Variants in ERI1 observed in about 807,000 individuals in gnomAD.
The protein encoded by ERI1 is 3'-5' exoribonuclease 1.
In ERI1, 39 loss-of-function variants were observed where a neutral mutation model predicts 39.7. The observed-to-expected ratio is 0.98, with a 90% confidence interval of 0.76 to 1.28. The LOEUF (loss-of-function observed/expected upper bound fraction) is 1.28, where lower values mean the gene tolerates loss of function less well. Ranked by LOEUF, ERI1 falls within the 50% of genes most tolerant of loss-of-function variation. ERI1 has a pLI of 0.00. For missense variants in ERI1, 581 were observed against 416.9 expected, an observed-to-expected ratio of 1.39 and a Z score of -3.43; for synonymous variants, 204 against 149.6, an observed-to-expected ratio of 1.36 and a Z score of -2.65.
intron 3 of ERI1, chr8:9,091,394 A>C (rs1041451376): frequency 6.6e-6 from 1 of 151,816 alleles, no homozygotes; most frequent in East Asian, 1.9e-4. Context: ...GGTGGCATGC[A>C]CCTGTAATCT....
intron 3 of ERI1, among the ~76,000 whole-genome samples, chr8:9,015,503 A>G (rs1460000509): frequency 6.6e-6 from 1 of 151,918 alleles, no homozygotes; most frequent in Non-Finnish European, 1.5e-5. Flanking sequence ...AAATAAGACC[A>G]TCGTGTCAGG....
chr8:9,016,645 A>G (rs1207714640), intron 4 of ERI1, among the ~76,000 whole-genome samples: 1 of 151,896 alleles, frequency 6.6e-6, no homozygotes, highest in African/African-American at 2.4e-5. Context: ...TTCGTCTGTA[A>G]AATGCATCAG....
chr8:9,007,482 TAATA>T (rs1358401862), intron 1 of ERI1, among the ~76,000 whole-genome samples: 7 of 152,354 alleles, frequency 4.6e-5, no homozygotes, highest in African/African-American at 1.7e-4. Flanking sequence ...CCTGTGATAT[TAATA>T]GTTACCATTT....
At chr8:9,084,040 G>T (rs1309004073) in intron 3 of ERI1, among the ~76,000 whole-genome samples, 1 of 152,060 alleles carries the variant, frequency 6.6e-6, no homozygotes, top group East Asian at 1.9e-4. Flanking sequence ...TGATCAACCC[G>T]CCTCGGCCTC....
chr8:9,006,190 T>G (rs1471915969), intron 1 of ERI1, among the ~76,000 whole-genome samples: 1 of 152,246 alleles, frequency 6.6e-6, no homozygotes, highest in African/African-American at 2.4e-5. Flanking sequence ...CATCCTTCTT[T>G]GTGAACCATT....
At chr8:9,070,354 G>T (rs1426726270) in intron 3 of ERI1, among the ~76,000 whole-genome samples, 2 of 152,164 alleles carry the variant, frequency 1.3e-5, no homozygotes, top group Admixed American at 6.5e-5. Flanking sequence ...AGGGTGTGGT[G>T]GCTCCCACAT....
rs370874322 is a variant in ERI1 at position 9,013,614 on chromosome 8, G to A, written c.498+1862G>A. The stretch of plus-strand genomic sequence containing the variant: ...AGCTTTCAGAAGCTGTCTCTTTGCT[G>A]GTGACTTTCAAATACATATTTCCAA... On this transcript the variant is annotated intron_variant, in intron 3 of 6. Coordinates refer to ENST00000250263, the MANE Select transcript of ERI1 (RefSeq NM_153332.4). Among the ~76,000 whole-genome samples the A allele has an allele frequency of 3.3e-5, 5 of 151,962 alleles. No individual in the cohort carries two copies. The East Asian group carries it at 7.7e-4, about 23-fold the overall frequency.
intron 3 of ERI1, among the ~76,000 whole-genome samples, chr8:9,070,218 G>A (rs1585281698): frequency 6.6e-6 from 1 of 151,580 alleles, no homozygotes; most frequent in South Asian, 2.1e-4. Flanking sequence ...CAACCTGGGT[G>A]AGAGTGAGAC....
At chr8:9,075,305 G>C (rs945745808) in intron 3 of ERI1, among the ~76,000 whole-genome samples, 8 of 152,046 alleles carry the variant, frequency 5.3e-5, no homozygotes, top group Non-Finnish European at 1.0e-4. Flanking sequence ...AGTTTTCCTT[G>C]GATACATGTG....
At chr8:9,057,178 T>C (rs989560665) in intron 3 of ERI1, among the ~76,000 whole-genome samples, 9 of 152,118 alleles carry the variant, frequency 5.9e-5, no homozygotes, top group Admixed American at 5.9e-4. Flanking sequence ...AGGGACTCGC[T>C]CTGTCGCCCA....
chr8:9,025,091 C>G (rs1352036341), intron 6 of ERI1, among the ~76,000 whole-genome samples: 1 of 152,132 alleles, frequency 6.6e-6, no homozygotes, highest in Non-Finnish European at 1.5e-5. Flanking sequence ...CAGATTGTAC[C>G]TATAAAGCTC....
intron 6 of ERI1, among the ~76,000 whole-genome samples, chr8:9,028,623 A>AT (rs201021210): frequency 0.017 from 2,507 of 150,464 alleles, 47 homozygotes; most frequent in Admixed American, 0.06. Flanking sequence ...AAATATAACA[A>AT]TTTTTTTTTT....
intron 3 of ERI1, among the ~76,000 whole-genome samples, chr8:9,071,219 G>A (rs10091937): frequency 8.5e-5 from 13 of 152,140 alleles, no homozygotes; most frequent in African/African-American, 2.9e-4. Context: ...TACGAGGTCA[G>A]TTTTTCCTAA....
chr8:9,053,307 G>A (rs112403161), intron 3 of ERI1, among the ~76,000 whole-genome samples: 3,041 of 152,258 alleles, frequency 0.02, 81 homozygotes, highest in South Asian at 0.09. Context: ...AAGAGCCACC[G>A]CGCCCAGCCA....
intron 3 of ERI1, among the ~76,000 whole-genome samples, chr8:9,012,625 C>T (rs1407524298): frequency 6.6e-6 from 1 of 152,174 alleles, no homozygotes; most frequent in Non-Finnish European, 1.5e-5. Context: ...GCTATGAAGG[C>T]AAATAATCTT....
intron 3 of ERI1, among the ~76,000 whole-genome samples, chr8:9,090,718 G>C (rs995853305): frequency 1.3e-5 from 2 of 152,030 alleles, no homozygotes; most frequent in African/African-American, 4.8e-5. Context: ...AAAAGAAATA[G>C]GTGAAACAAG....
intron 6 of ERI1, among the ~76,000 whole-genome samples, chr8:9,021,761 A>ATT (rs869027047): frequency 9.0e-6 from 1 of 110,638 alleles, no homozygotes; most frequent in African/African-American, 4.0e-5. Flanking sequence ...TGGCTATATT[A>ATT]TTTGTTTTTT....
chr8:9,084,084 T>C (rs547720586), intron 3 of ERI1, among the ~76,000 whole-genome samples: 1 of 152,238 alleles, frequency 6.6e-6, no homozygotes, highest in East Asian at 1.9e-4. Flanking sequence ...TGAGCCGCCG[T>C]GCCCAGCCTA....
chr8:9,014,437 T>C (rs1413719136), intron 3 of ERI1, among the ~76,000 whole-genome samples: 1 of 152,214 alleles, frequency 6.6e-6, no homozygotes. Context: ...TTCCTTTGCT[T>C]GCTCAAGGGA....
Sources: gnomAD v4.1 joint callset for allele counts (sites outside exome capture counted in the v4.1 genomes callset) on GRCh38, gnomAD v4.1.1 for gene constraint, MANE v1.5 for transcripts, NCBI Gene and HGNC (gene_info 2026-07-23, HGNC 2026-07-21) for gene names.